The following FCGR2A variants were observed in gnomAD, a reference collection of about 807,000 sequenced individuals.
FCGR2A encodes the protein Fc gamma receptor IIa.
A neutral mutation model predicts 29.3 loss-of-function variants in FCGR2A; 18 were observed. The observed-to-expected ratio is 0.62, with a 90% CI of 0.43 to 0.91. The LOEUF is 0.91. FCGR2A is among the 40% of genes least tolerant of loss of function. The probability of loss-of-function intolerance (pLI) is 0.00; values close to 1 mark genes in which losing one functional copy is unlikely to be tolerated. For missense variants in FCGR2A, 287 were observed against 393.0 expected (o/e 0.73, Z 2.28); for synonymous variants, 126 against 144.8 (o/e 0.87, Z 0.93).
intron 5 of FCGR2A, among the ~76,000 whole-genome samples, chr1:161,512,936 C>T (rs1316114739): frequency 6.6e-6 from 1 of 152,216 alleles, no homozygotes; most frequent in East Asian, 1.9e-4. Flanking sequence ...GGCATAAGCA[C>T]ACTTCACGAG....
At chr1:161,521,748 T>C (rs912711600), downstream of FCGR2A, among the ~76,000 whole-genome samples, 3 of 152,074 alleles carry the variant, frequency 2.0e-5, no homozygotes, top group African/African-American at 4.8e-5. Flanking sequence ...TTTGCCACCA[T>C]GTGAGACATG....
downstream of FCGR2A, chr1:161,520,077 C>T (rs941255500): frequency 6.6e-6 from 1 of 152,002 alleles, no homozygotes; most frequent in Non-Finnish European, 1.5e-5. Context: ...GCAGCTTTCT[C>T]TGTTGGATAG....
At chr1:161,514,827 C>G (rs1205539580) in intron 6 of FCGR2A, 1 of 151,064 alleles carries the variant, frequency 6.6e-6, no homozygotes, top group Non-Finnish European at 1.5e-5. Flanking sequence ...ACAGATTGAA[C>G]TAGGTGTTCA....
In FCGR2A at chr1:161,510,941, A is replaced by G; in HGVS notation, c.727A>G (p.Lys243Glu). The G allele has an allele frequency of 6.2e-7, 1 of 1,614,148 alleles. No homozygotes were observed. ...TGTAGTGGCCTTGATCTACTGCAGGAAAAAGCGGATTTCAGGTTTGTAGCT... is the reference window on the plus strand; with the variant it reads ...TGTAGTGGCCTTGATCTACTGCAGGGAAAAGCGGATTTCAGGTTTGTAGCT... The part of the protein sequence containing the change: ...AAVVALIYCR[K>E]KRISANSTDP... The change falls in exon 5 of 7, where the codon AAA becomes GAA. Residue 243 changes from lysine to glutamate, a missense_variant. Coordinates refer to ENST00000271450, the MANE Select transcript of FCGR2A (RefSeq NM_001136219.3).
At chr1:161,505,609 C>G (rs1375004879) in intron 1 of FCGR2A, 57 bp downstream of exon 1, 1 of 1,370,600 alleles carries the variant, frequency 7.3e-7, no homozygotes, top group Non-Finnish European at 1.0e-6. Flanking sequence ...TGCCTGGACT[C>G]CAGGTACCAG....
At position 161,507,700 on chromosome 1, in the gene FCGR2A, C is replaced by T. The variant is rs1476153561; in HGVS notation, c.364+1109C>T. 3.3e-5 allele frequency among the ~76,000 whole-genome samples: 5 copies of T among 152,130 alleles called. No individual in the cohort carries two copies. In the East Asian group the frequency reaches 9.6e-4, roughly 29 times the overall value. On this transcript the variant is annotated intron_variant, in intron 3 of 6. Coordinates refer to ENST00000271450, the MANE Select transcript of FCGR2A (RefSeq NM_001136219.3). ...AATATTGAGTTGACCTCAAAAGCTG[C>T]CTAATGACATCATAGCTCCTCTCTG...
chr1:161,515,328 C>T (rs1315861613), intron 6 of FCGR2A, among the ~76,000 whole-genome samples: 1 of 152,234 alleles, frequency 6.6e-6, no homozygotes, highest in Admixed American at 6.5e-5. Context: ...AAAATTAGAT[C>T]CTCAAATGAG....
In FCGR2A at chr1:161,506,591, G is replaced by A. The variant is rs146641538; in HGVS notation, c.364G>A (p.Glu122Lys). The A allele has an allele frequency of 3.1e-6, 5 of 1,613,914 alleles. No individual in the cohort carries two copies. The highest frequency in any genetic ancestry group is 4.5e-5 in the East Asian group (2 of 44,896). ...SDPVHLTVLS[E>K]WLVLQTPHLE... ...CCCTGTGCATCTGACTGTGCTTTCC[G>A]GTCAGTGGAGGAAGGCCCCAGGGTG... The change falls in exon 3 of 7, where the codon GAA (glutamate) becomes AAA (lysine). Residue 122 changes from glutamate (E) to lysine (K), a missense_variant and splice_region_variant. Physicochemically the swap from Glu to Lys is moderately conservative, Grantham distance 56 (BLOSUM62 1). Coordinates refer to ENST00000271450, the MANE Select transcript of FCGR2A (RefSeq NM_001136219.3).
Position 161,510,025 on chromosome 1 carries a change from CAT to C in FCGR2A, c.572_573del (p.Ile191ArgfsTer61). The C allele has an allele frequency of 1.9e-6, 3 of 1,614,000 alleles. No homozygotes were observed. The highest frequency in any genetic ancestry group is 2.5e-6 in the Non-Finnish European group (3 of 1,179,864). On this transcript the variant is annotated frameshift_variant, in exon 4 of 7. Transcript: ENST00000271450. LOFTEE classifies it high-confidence loss of function. ...HSGDYHCTGN[I>X]GYTLFSSKPV... is the part of the protein sequence containing the mutation. The stretch of plus-strand genomic sequence containing the variant: ...GTGGTGATTACCACTGCACAGGAAA[CAT>C]AGGCTACACGCTGTTCTCATCCAAG...
downstream of FCGR2A, among the ~76,000 whole-genome samples, chr1:161,521,841 C>A (rs1197723680): frequency 1.3e-5 from 2 of 152,094 alleles, no homozygotes; most frequent in African/African-American, 4.8e-5. Flanking sequence ...TTGTAAATTG[C>A]CCCGTCTCAG....
intron 6 of FCGR2A, among the ~76,000 whole-genome samples, chr1:161,514,203 C>T (rs1367190314): frequency 1.3e-5 from 2 of 151,828 alleles, no homozygotes; most frequent in African/African-American, 4.8e-5. Flanking sequence ...TAAGATTTAA[C>T]CCTAGCCAAT....
Position 161,505,491 on chromosome 1 carries a change from T to C in FCGR2A, c.24T>C (p.Ser8=), listed in dbSNP as rs577732390. 8 of 1,614,090 alleles carry C rather than the reference T, an allele frequency of 5.0e-6. No homozygotes were observed. The South Asian group carries it at 7.7e-5, about 16-fold the overall frequency. ...GGATGACTATGGAGACCCAAATGTCTCAGAATGTATGTCCCAGAAACCTGT... is the reference window on the plus strand; with the variant it reads ...GGATGACTATGGAGACCCAAATGTCCCAGAATGTATGTCCCAGAAACCTGT... MTMETQM[S]QNVCPRNLWL... Residue 8 remains serine (S), a synonymous_variant, in exon 1 of 7, where the codon TCT becomes TCC. Coordinates refer to ENST00000271450, the MANE Select transcript of FCGR2A (RefSeq NM_001136219.3).
intron 1 of FCGR2A, 79 bp from the exon 2 acceptor site, chr1:161,505,908 C>T: frequency 2.8e-6 from 4 of 1,415,790 alleles, no homozygotes; most frequent in Middle Eastern, 1.8e-4. Flanking sequence ...AGCTCACCTC[C>T]CCAGCATTTC....
rs1676264113 is a variant in FCGR2A, at chr1:161,518,236, A to C, written c.*88A>C. The C allele has an allele frequency of 6.5e-7, 1 of 1,548,312 alleles. No homozygotes were observed. The highest frequency in any genetic ancestry group is 8.7e-7 in the Non-Finnish European group (1 of 1,151,104). On this transcript the variant is annotated 3_prime_UTR_variant, in exon 7 of 7. Coordinates refer to ENST00000271450, the MANE Select transcript of FCGR2A (RefSeq NM_001136219.3). Reference sequence around the variant, plus strand: ...AATTGTTAAAGGAAAATTTAAATGGAGACTGGAAAAATCCTGAGCAAACAA... The same window carrying C: ...AATTGTTAAAGGAAAATTTAAATGGCGACTGGAAAAATCCTGAGCAAACAA...
intron 3 of FCGR2A, among the ~76,000 whole-genome samples, chr1:161,508,614 T>C (rs1675574511): frequency 6.6e-6 from 1 of 151,200 alleles, no homozygotes; most frequent in Admixed American, 6.6e-5. Flanking sequence ...AAAAGAAAAC[T>C]GTTTTTTTAA....
Position 161,506,712 on chromosome 1 carries a change from G to A in FCGR2A, c.364+121G>A, listed in dbSNP as rs995337791. ...TGCTTACTGGGAAGCACTGTTGTGA[G>A]TTGCTCATTCATTCCCCATTTCACC... is the stretch of plus-strand genomic sequence containing the variant. On this transcript the variant is annotated intron_variant, in intron 3 of 6. Coordinates refer to ENST00000271450, the MANE Select transcript of FCGR2A (RefSeq NM_001136219.3). 1.1e-5 allele frequency: 17 copies of A among 1,505,776 alleles called. No individual in the cohort carries two copies. In the African/African-American group the frequency reaches 1.9e-4, roughly 17 times the overall value. 93.3% of individuals were successfully genotyped at this position (1,505,776 alleles called of 1,614,324 possible). A position where few individuals can be genotyped will look rare whatever the true frequency, so the allele number is the denominator to read the frequency against.
downstream of FCGR2A, chr1:161,520,097 A>G (rs1676391964): frequency 6.6e-6 from 1 of 151,992 alleles, no homozygotes; most frequent in Admixed American, 6.6e-5. Flanking sequence ...GTTTACATCG[A>G]TTTTTAAGGA....
At chr1:161,522,453 G>A (rs1433070980), downstream of FCGR2A, among the ~76,000 whole-genome samples, 1 of 152,064 alleles carries the variant, frequency 6.6e-6, no homozygotes, top group Non-Finnish European at 1.5e-5. Flanking sequence ...GGTAAGTGGG[G>A]TTTTGAGGTG....
intron 5 of FCGR2A, chr1:161,513,041 G>A (rs559784529): frequency 6.4e-6 from 1 of 155,064 alleles, no homozygotes; most frequent in East Asian, 1.8e-4. Flanking sequence ...GTTGGGGAAT[G>A]TATTAGAATG....
Sources: gnomAD v4.1 joint callset for allele counts (sites outside exome capture counted in the v4.1 genomes callset) on GRCh38, gnomAD v4.1.1 for gene constraint, MANE v1.5 for transcripts, NCBI Gene and HGNC (gene_info 2026-07-23, HGNC 2026-07-21) for gene names.